Variants in ARHGEF38 observed in about 807,000 individuals in gnomAD.
ARHGEF38 encodes the protein Rho guanine nucleotide exchange factor (GEF) 38.
A neutral mutation model predicts 79.9 loss-of-function variants in ARHGEF38; 79 were observed. The observed-to-expected ratio is 0.99, with a 90% CI of 0.82 to 1.19. The LOEUF (loss-of-function observed/expected upper bound fraction) is 1.19, where lower values mean the gene tolerates loss of function less well. Ranked by LOEUF, ARHGEF38 falls within the 50% of genes most tolerant of loss-of-function variation. The probability of loss-of-function intolerance (pLI) is 0.00; values close to 1 mark genes in which losing one functional copy is unlikely to be tolerated. For synonymous variants in ARHGEF38, 366 were observed against 328.3 expected (o/e 1.11, Z -1.24); for missense variants, 962 against 907.2 (o/e 1.06, Z -0.78).
intron 1 of ARHGEF38, among the ~76,000 whole-genome samples, chr4:105,562,280 G>T (rs753627569): frequency 2.6e-5 from 4 of 152,026 alleles, no homozygotes; most frequent in Non-Finnish European, 5.9e-5. Flanking sequence ...TTTGGCTTTT[G>T]CTGTCATTTG....
intron 1 of ARHGEF38, among the ~76,000 whole-genome samples, chr4:105,572,346 C>T (rs1726278928): frequency 6.6e-6 from 1 of 152,086 alleles, no homozygotes; most frequent in African/African-American, 2.4e-5. Context: ...TTCATAGTCT[C>T]ATTAGGTTCA....
At chr4:105,637,893 C>T (rs1729463635) in intron 5 of ARHGEF38, among the ~76,000 whole-genome samples, 1 of 152,054 alleles carries the variant, frequency 6.6e-6, no homozygotes, top group Admixed American at 6.6e-5. Flanking sequence ...TAGGAGTTAG[C>T]CAGGTTGTGT....
chr4:105,610,478 C>A (rs1215780952), intron 2 of ARHGEF38, among the ~76,000 whole-genome samples: 1 of 151,952 alleles, frequency 6.6e-6, no homozygotes, highest in Non-Finnish European at 1.5e-5. Context: ...TGTAATTCAA[C>A]TTAAGCTTTT....
Position 105,648,492 on chromosome 4 carries a change from G to A in ARHGEF38, c.875-57G>A, listed in dbSNP as rs527824340. 4.3e-6 allele frequency: 6 copies of A among 1,401,772 alleles called. No homozygotes were observed. The African/African-American group carries it at 7.2e-5, about 17-fold the overall frequency. 86.8% of individuals were successfully genotyped at this position (1,401,772 alleles called of 1,614,324 possible). A position where few individuals can be genotyped will look rare whatever the true frequency, so the allele number is the denominator to read the frequency against. On this transcript the variant is annotated intron_variant, in intron 6 of 13. Coordinates refer to ENST00000420470, the MANE Select transcript of ARHGEF38 (RefSeq NM_001242729.2). ...ACTCGTCTTGAAAACTTTGGGTGAAGTGCACACTTTCTATGCTGCATGTGT... is the reference window on the plus strand; with the variant it reads ...ACTCGTCTTGAAAACTTTGGGTGAAATGCACACTTTCTATGCTGCATGTGT...
chr4:105,650,839 C>T (rs564140606), intron 7 of ARHGEF38, among the ~76,000 whole-genome samples: 8 of 152,228 alleles, frequency 5.3e-5, no homozygotes, highest in African/African-American at 1.9e-4. Flanking sequence ...CTCTTCTCAA[C>T]GTGGAACTAT....
At chr4:105,656,080 G>T (rs1439987257) in intron 9 of ARHGEF38, among the ~76,000 whole-genome samples, 1 of 152,118 alleles carries the variant, frequency 6.6e-6, no homozygotes, top group Admixed American at 6.5e-5. Flanking sequence ...TCTGGGACAG[G>T]ATCTGGCTCT....
chr4:105,649,798 T>A (rs2096699191), intron 7 of ARHGEF38, among the ~76,000 whole-genome samples: 2 of 152,204 alleles, frequency 1.3e-5, no homozygotes, highest in South Asian at 4.1e-4. Flanking sequence ...GTTAATATAT[T>A]GACTCTATAT....
chr4:105,610,340 T>A (rs2110487721), intron 2 of ARHGEF38, among the ~76,000 whole-genome samples: 1 of 152,194 alleles, frequency 6.6e-6, no homozygotes, highest in African/African-American at 2.4e-5. Context: ...AAGAAAATTT[T>A]AAAAAAGAAA....
At position 105,589,281 on chromosome 4, in the gene ARHGEF38, C is replaced by CT. The variant is rs1463100349; in HGVS notation, c.231dup (p.Glu78Ter). The CT allele has an allele frequency of 1.2e-6, 2 of 1,613,806 alleles. No individual in the cohort carries two copies. The highest frequency in any genetic ancestry group is 1.7e-6 in the Non-Finnish European group (2 of 1,179,970). ...ACTCCACAGGGTGAGTGTTCTGTAG[C>CT]TGAGACCTTAACCCCAGAGGAAGAG... On this transcript the variant is annotated frameshift_variant, in exon 2 of 14. Transcript: ENST00000420470. LOFTEE classifies it high-confidence loss of function.
chr4:105,675,118 A>G (rs942694882), intron 13 of ARHGEF38, among the ~76,000 whole-genome samples: 1 of 152,178 alleles, frequency 6.6e-6, no homozygotes, highest in Non-Finnish European at 1.5e-5. Context: ...AAACAACACC[A>G]TCTACAATAT....
chr4:105,653,913 A>G (rs1730214613), intron 7 of ARHGEF38, among the ~76,000 whole-genome samples, 152 bp from the exon 8 acceptor site: 1 of 152,218 alleles, frequency 6.6e-6, no homozygotes, highest in Non-Finnish European at 1.5e-5. Context: ...ACCAACAGAG[A>G]AAGTATGTGT....
intron 3 of ARHGEF38, among the ~76,000 whole-genome samples, chr4:105,618,185 A>G (rs1315765941): frequency 6.6e-6 from 1 of 152,206 alleles, no homozygotes; most frequent in Non-Finnish European, 1.5e-5. Context: ...CTTATAAAGT[A>G]TTTTCTCAGT....
intron 1 of ARHGEF38, chr4:105,561,453 T>TGG (rs761201212): frequency 0.037 from 1,932 of 52,088 alleles, 154 homozygotes; most frequent in Non-Finnish European, 0.051. Flanking sequence ...TAGAATGGAA[T>TGG]AGAATAGAAT....
chr4:105,681,860 C>A (rs576329228), downstream of ARHGEF38, among the ~76,000 whole-genome samples: 11 of 152,248 alleles, frequency 7.2e-5, no homozygotes, highest in South Asian at 2.3e-3. Flanking sequence ...AGGTAAAGTG[C>A]TATAACATTT....
intron 2 of ARHGEF38, among the ~76,000 whole-genome samples, chr4:105,610,949 A>T (rs1198226410): frequency 1.3e-5 from 2 of 152,184 alleles, no homozygotes; most frequent in Middle Eastern, 3.4e-3. Flanking sequence ...CAGAGATAGT[A>T]AAGTACTCTA....
chr4:105,597,661 A>T (rs1446173780), intron 2 of ARHGEF38, among the ~76,000 whole-genome samples: 2 of 152,202 alleles, frequency 1.3e-5, no homozygotes, highest in Non-Finnish European at 2.9e-5. Context: ...GATTTCTCAC[A>T]GACATGTCTT....
intron 2 of ARHGEF38, among the ~76,000 whole-genome samples, chr4:105,603,062 T>A (rs982113649): frequency 6.6e-6 from 1 of 152,124 alleles, no homozygotes; most frequent in Non-Finnish European, 1.5e-5. Flanking sequence ...TCAATGAACA[T>A]CTGAAGCACT....
chr4:105,571,569 C>A (rs900006332), intron 1 of ARHGEF38, among the ~76,000 whole-genome samples: 1 of 151,986 alleles, frequency 6.6e-6, no homozygotes, highest in Non-Finnish European at 1.5e-5. Context: ...GTGATCCGCC[C>A]GCCTCAGCCT....
At chr4:105,555,462 A>G (rs1211950235) in intron 1 of ARHGEF38, among the ~76,000 whole-genome samples, 1 of 152,120 alleles carries the variant, frequency 6.6e-6, no homozygotes, top group African/African-American at 2.4e-5. Context: ...CCTGTACGAT[A>G]CCCATTATTA....
Sources: allele counts gnomAD v4.1 joint callset (sites outside exome capture counted in the v4.1 genomes callset), GRCh38; gene constraint gnomAD v4.1.1; transcripts MANE v1.5; gene names NCBI Gene and HGNC (gene_info 2026-07-23, HGNC 2026-07-21).